The following LOC128706666 variants were observed in gnomAD, a reference collection of about 807,000 sequenced individuals.
the LOC128706666 span, among the ~76,000 whole-genome samples, chr20:10,429,030 C>A: frequency 1.3e-5 from 2 of 152,096 alleles, no homozygotes; most frequent in Non-Finnish European, 2.9e-5. Context: ...TATTTTTCTC[C>A]ACTGAAAAGA....
At chr20:10,423,609 A>G in the LOC128706666 span, among the ~76,000 whole-genome samples, 1 of 152,124 alleles carries the variant, frequency 6.6e-6, no homozygotes, top group African/African-American at 2.4e-5. Context: ...CATAGTATGA[A>G]CCCTCTTTGA....
the LOC128706666 span, among the ~76,000 whole-genome samples, chr20:10,428,106 T>C: frequency 1.3e-5 from 2 of 152,242 alleles, no homozygotes. Flanking sequence ...GTAGGCAGTC[T>C]CAAATATTAA....
chr20:10,419,792 C>T, the LOC128706666 span, among the ~76,000 whole-genome samples: 1 of 152,050 alleles, frequency 6.6e-6, no homozygotes, highest in Admixed American at 6.6e-5. Flanking sequence ...GTAGAATATC[C>T]CAGGATTTCA....
chr20:10,433,668 A>G, the LOC128706666 span, among the ~76,000 whole-genome samples: 7 of 152,092 alleles, frequency 4.6e-5, no homozygotes, highest in African/African-American at 1.7e-4. Context: ...CACGCTGCAC[A>G]ACGTCTCTAA....
At chr20:10,429,408 A>G in the LOC128706666 span, among the ~76,000 whole-genome samples, 18 of 152,246 alleles carry the variant, frequency 1.2e-4, no homozygotes, top group South Asian at 2.1e-3. Context: ...TCAATCCCCA[A>G]ACTTCTATGA....
At chr20:10,422,249 G>A in the LOC128706666 span, among the ~76,000 whole-genome samples, 2 of 151,934 alleles carry the variant, frequency 1.3e-5, no homozygotes, top group Non-Finnish European at 2.9e-5. Context: ...CTAGATAGAG[G>A]AAACACGACC....
the LOC128706666 span, among the ~76,000 whole-genome samples, chr20:10,427,966 C>T: frequency 1.3e-5 from 2 of 152,154 alleles, no homozygotes; most frequent in East Asian, 1.9e-4. Context: ...GTCAGAAGGC[C>T]GAAACAGGTA....
the LOC128706666 span, among the ~76,000 whole-genome samples, chr20:10,415,194 G>A: frequency 1.3e-5 from 2 of 152,182 alleles, no homozygotes; most frequent in African/African-American, 4.8e-5. Flanking sequence ...TATCTGTTGA[G>A]GCCGGGTGTT....
chr20:10,424,582 C>CA, the LOC128706666 span, among the ~76,000 whole-genome samples: 199 of 142,160 alleles, frequency 1.4e-3, no homozygotes, highest in Middle Eastern at 0.015. Context: ...GCTAGTTTTA[C>CA]AAAAAAAAAA....
the LOC128706666 span, among the ~76,000 whole-genome samples, chr20:10,420,136 T>C: frequency 3.9e-5 from 6 of 152,236 alleles, no homozygotes; most frequent in African/African-American, 1.4e-4. Context: ...GCTAAAATAG[T>C]TGATGTTAAG....
the LOC128706666 span, among the ~76,000 whole-genome samples, chr20:10,432,688 C>T: frequency 6.8e-6 from 1 of 147,758 alleles, no homozygotes; most frequent in Non-Finnish European, 1.5e-5. Context: ...CAAACTTCTC[C>T]GGAGGCTAAG....
At chr20:10,415,886 AGTG>A in the LOC128706666 span, among the ~76,000 whole-genome samples, 1 of 152,064 alleles carries the variant, frequency 6.6e-6, no homozygotes, top group Non-Finnish European at 1.5e-5. Flanking sequence ...AATCACTGAA[AGTG>A]GTAGTGACTC....
chr20:10,428,959 C>T, the LOC128706666 span, among the ~76,000 whole-genome samples: 20 of 152,126 alleles, frequency 1.3e-4, 1 homozygote, highest in African/African-American at 4.8e-4. Context: ...CTTCATTATC[C>T]CCTCTCATCT....
the LOC128706666 span, among the ~76,000 whole-genome samples, chr20:10,414,498 C>CA: frequency 6.6e-6 from 1 of 152,084 alleles, no homozygotes; most frequent in East Asian, 1.9e-4. Context: ...CTCCTGACCT[C>CA]AGGTGATCTG....
chr20:10,414,579 A>T, the LOC128706666 span, among the ~76,000 whole-genome samples: 1 of 152,156 alleles, frequency 6.6e-6, no homozygotes, highest in African/African-American at 2.4e-5. Flanking sequence ...TCTGAGTCTT[A>T]AAAGAAGTCC....
the LOC128706666 span, among the ~76,000 whole-genome samples, chr20:10,428,568 G>A: frequency 1.5e-3 from 231 of 152,322 alleles, no homozygotes; most frequent in African/African-American, 5.2e-3. Flanking sequence ...GCTGGGCGCG[G>A]TGGCTCACGC....
At chr20:10,426,489 T>C in the LOC128706666 span, among the ~76,000 whole-genome samples, 1 of 151,814 alleles carries the variant, frequency 6.6e-6, no homozygotes, top group Non-Finnish European at 1.5e-5. Flanking sequence ...CACCTCCGCA[T>C]GCCAGATTTA....
the LOC128706666 span, among the ~76,000 whole-genome samples, chr20:10,414,587 T>A: frequency 5.8e-3 from 876 of 152,240 alleles, 12 homozygotes; most frequent in African/African-American, 0.019. Context: ...TTAAAAGAAG[T>A]CCCAAATATC....
chr20:10,415,997 C>A, the LOC128706666 span, among the ~76,000 whole-genome samples: 23 of 152,158 alleles, frequency 1.5e-4, no homozygotes, highest in East Asian at 3.9e-3. Context: ...GAAAAAAAAA[C>A]CAAACCACTG....
Sources: gnomAD v4.1 joint callset for allele counts (sites outside exome capture counted in the v4.1 genomes callset) on GRCh38, gnomAD v4.1.1 for gene constraint, MANE v1.5 for transcripts.